The following ENPP6 variants were observed in gnomAD, a reference collection of about 807,000 sequenced individuals.
ENPP6 encodes ectonucleotide pyrophosphatase/phosphodiesterase 6, also known as glycerophosphocholine cholinephosphodiesterase ENPP6.
ENPP6 carries 32 observed loss-of-function variants against 42.0 expected under a neutral mutation model. That is an observed-to-expected ratio of 0.76 (90% CI 0.58 to 1.02). The LOEUF is 1.02. ENPP6 is among the 50% of genes least tolerant of loss of function. ENPP6 has a pLI of 0.00. For missense variants in ENPP6, 552 were observed against 566.8 expected (o/e 0.97, Z 0.27); for synonymous variants, 213 against 216.0 (o/e 0.99, Z 0.12).
intron 1 of ENPP6, among the ~76,000 whole-genome samples, chr4:184,209,710 C>T (rs1311472727): frequency 6.7e-6 from 1 of 148,540 alleles, no homozygotes; most frequent in South Asian, 2.2e-4. Flanking sequence ...GGCAGGCCAA[C>T]GTTCAGATTC....
intron 1 of ENPP6, among the ~76,000 whole-genome samples, chr4:184,164,942 A>G (rs1241940869): frequency 2.0e-5 from 3 of 151,952 alleles, no homozygotes; most frequent in African/African-American, 7.2e-5. Context: ...ATGAACCAGC[A>G]CTCCACGCGA....
At chr4:184,164,882 C>T (rs34725488) in intron 1 of ENPP6, among the ~76,000 whole-genome samples, 47,156 of 152,012 alleles carry the variant, frequency 0.31, 7,675 homozygotes, top group East Asian at 0.53. Flanking sequence ...GCCTGGATCC[C>T]GAGGCTCAGC....
At chr4:184,187,670 C>A (rs1474623907) in intron 1 of ENPP6, among the ~76,000 whole-genome samples, 1 of 152,090 alleles carries the variant, frequency 6.6e-6, no homozygotes, top group Non-Finnish European at 1.5e-5. Flanking sequence ...CTTGGTGCCT[C>A]GTCTAACTTT....
intron 1 of ENPP6, among the ~76,000 whole-genome samples, chr4:184,211,265 CA>C (rs1228607428): frequency 2.0e-5 from 3 of 152,070 alleles, no homozygotes; most frequent in Non-Finnish European, 4.4e-5. Context: ...AATAGAGACA[CA>C]AAAAACCCTT....
chr4:184,116,301 A>G (rs754897038), intron 5 of ENPP6, among the ~76,000 whole-genome samples: 29 of 152,214 alleles, frequency 1.9e-4, no homozygotes, highest in Non-Finnish European at 3.2e-4. Flanking sequence ...ATGACATTCA[A>G]TGGAGTAGGT....
chr4:184,140,581 C>T (rs1210348323), intron 2 of ENPP6, among the ~76,000 whole-genome samples: 75 of 128,846 alleles, frequency 5.8e-4, no homozygotes, highest in African/African-American at 2.0e-3. Flanking sequence ...TCAGAAATAA[C>T]GCCGCATATC....
chr4:184,156,890 T>C (rs1220538435), intron 1 of ENPP6, among the ~76,000 whole-genome samples: 6 of 152,222 alleles, frequency 3.9e-5, no homozygotes, highest in African/African-American at 1.4e-4. Flanking sequence ...ATGTTATATG[T>C]TTCATCTCAG....
At chr4:184,168,537 C>T (rs893204241) in intron 1 of ENPP6, among the ~76,000 whole-genome samples, 1 of 152,232 alleles carries the variant, frequency 6.6e-6, no homozygotes, top group Non-Finnish European at 1.5e-5. Flanking sequence ...ACACTGCCCG[C>T]GGGGCTCCGG....
intron 1 of ENPP6, among the ~76,000 whole-genome samples, chr4:184,180,532 C>G (rs1417927226): frequency 7.3e-6 from 1 of 137,820 alleles, no homozygotes; most frequent in Non-Finnish European, 1.6e-5. Context: ...ATCCTGATAC[C>G]AAAACCTGGC....
At chr4:184,124,339 TC>T (rs1426156664) in intron 2 of ENPP6, 67 bp from the exon 3 acceptor site, 5 of 1,207,678 alleles carry the variant, frequency 4.1e-6, no homozygotes, top group Non-Finnish European at 6.0e-6. Flanking sequence ...TGAGCCTATT[TC>T]AGGAAGCAAA....
At chr4:184,207,930 T>C (rs189446884) in intron 1 of ENPP6, among the ~76,000 whole-genome samples, 363 of 152,328 alleles carry the variant, frequency 2.4e-3, no homozygotes, top group African/African-American at 8.4e-3. Context: ...GATGGCCTTT[T>C]CTCTGCACGT....
chr4:184,178,552 C>T (rs531773919), intron 1 of ENPP6, among the ~76,000 whole-genome samples: 1 of 152,098 alleles, frequency 6.6e-6, no homozygotes, highest in Non-Finnish European at 1.5e-5. Flanking sequence ...AGAAGATCAA[C>T]CAACCCTAAG....
At chr4:184,172,954 C>T (rs1737493815) in intron 1 of ENPP6, among the ~76,000 whole-genome samples, 2 of 152,130 alleles carry the variant, frequency 1.3e-5, no homozygotes, top group Admixed American at 1.3e-4. Flanking sequence ...CTCTCTGTCT[C>T]CCAGGCTGGA....
chr4:184,098,955 G>T (rs1169963938), intron 6 of ENPP6, among the ~76,000 whole-genome samples: 1 of 152,222 alleles, frequency 6.6e-6, no homozygotes, highest in African/African-American at 2.4e-5. Flanking sequence ...TTACAGGTTG[G>T]CTCACAAGAC....
In ENPP6 at chr4:184,116,964, C is replaced by T. The variant is rs1736325208; in HGVS notation, c.747G>A (p.Met249Ile). ...SDHGMTDIFW[M>I]DKVIELNKYI... ...ACTTATTCAGCTCAATCACTTTGTC[C>T]ATCCAGAAAATGTCGGTCATTCCGT... is the stretch of plus-strand genomic sequence containing the variant. Residue 249 changes from methionine to isoleucine, a missense_variant, in exon 5 of 8, where the codon ATG becomes ATA. Met to Ile is a conservative substitution (Grantham distance 10, BLOSUM62 1). Transcript: ENST00000296741. The T allele has an allele frequency of 1.2e-6, 2 of 1,614,192 alleles. No individual in the cohort carries two copies. The highest frequency in any genetic ancestry group is 8.5e-7 in the Non-Finnish European group (1 of 1,180,032).
At chr4:184,115,610 G>T (rs529744544) in intron 5 of ENPP6, among the ~76,000 whole-genome samples, 4 of 152,124 alleles carry the variant, frequency 2.6e-5, no homozygotes, top group African/African-American at 7.2e-5. Context: ...TGGGCTCAGC[G>T]TGCTTCCATA....
rs1560987467 is a variant in ENPP6, at chr4:184,131,256, TTCTCTTCCTTCCTTCCTTC to T, written c.422-7003_422-6985del. Among the ~76,000 whole-genome samples the T allele has an allele frequency of 3.7e-3, 147 of 39,530 alleles. 13 individuals are homozygous for T. Among genetic ancestry groups the T allele is most frequent in the African/African-American group, 0.013 (136 of 10,376 alleles). The allele number at this position is 39,530 out of a possible 152,430, so 25.9% of individuals were successfully genotyped here. ...TTTCCTTTTCTTTCTTTCTTTCTCT[TTCTCTTCCTTCCTTCCTTC>T]CTTCCTTCCTTCCTTCCTTCCTTCC... On this transcript the variant is annotated intron_variant, in intron 2 of 7. Coordinates refer to ENST00000296741, the MANE Select transcript of ENPP6 (RefSeq NM_153343.4).
At chr4:184,129,929 ACT>A (rs1491164966) in intron 2 of ENPP6, among the ~76,000 whole-genome samples, 1 of 79,798 alleles carries the variant, frequency 1.3e-5, no homozygotes, top group African/African-American at 5.5e-5. Flanking sequence ...GGTTTGGCAG[ACT>A]TTTTTTGGTT....
At chr4:184,093,081 A>T (rs1735835161) in intron 7 of ENPP6, among the ~76,000 whole-genome samples, 1 of 152,172 alleles carries the variant, frequency 6.6e-6, no homozygotes, top group Non-Finnish European at 1.5e-5. Context: ...ATCCAATATA[A>T]AGAGGTGTGT....
Sources: gnomAD v4.1 joint callset for allele counts (sites outside exome capture counted in the v4.1 genomes callset) on GRCh38, gnomAD v4.1.1 for gene constraint, MANE v1.5 for transcripts, NCBI Gene and HGNC (gene_info 2026-07-23, HGNC 2026-07-21) for gene names.